Variants in ATP8B3 observed in about 807,000 individuals in gnomAD.
ATP8B3 encodes ATPase phospholipid transporting 8B3, also known as phospholipid-transporting ATPase IK.
A neutral mutation model predicts 140.9 loss-of-function variants in ATP8B3; 141 were observed. That is an observed-to-expected ratio of 1.00 (90% confidence interval 0.87 to 1.15). The LOEUF is 1.15. Ranked by LOEUF, ATP8B3 falls within the 50% of genes most tolerant of loss-of-function variation. The probability of loss-of-function intolerance (pLI) is 0.00; values close to 1 mark genes in which losing one functional copy is unlikely to be tolerated. For synonymous variants in ATP8B3, 765 were observed against 714.6 expected (o/e 1.07, Z -1.13); for missense variants, 1,874 against 1,740.6 (o/e 1.08, Z -1.36).
chr19:1,805,568 C>T lies in ATP8B3; in HGVS notation c.822-112G>A, dbSNP rs914565293. 9 of 961,336 alleles carry T rather than the reference C, an allele frequency of 9.4e-6. No homozygotes were observed. Among genetic ancestry groups the T allele is most frequent in the Non-Finnish European group, 1.5e-5 (9 of 618,052 alleles). The allele number at this position is 961,336 out of a possible 1,614,324, so 59.6% of individuals were successfully genotyped here. A position where few individuals can be genotyped will look rare whatever the true frequency, so the allele number is the denominator to read the frequency against. ...TTTTCACTGAGCACCTACTAGTTCG[C>T]CAGCTGCCAGTCAGATGGCTGAGGC... is the stretch of plus-strand genomic sequence containing the variant. On this transcript the variant is annotated intron_variant, in intron 9 of 28. Coordinates refer to ENST00000310127, the MANE Select transcript of ATP8B3 (RefSeq NM_138813.4). This position sits in a 1 kb window ranked among gnomAD's most constrained non-coding sequence, Gnocchi z 5.2.
Position 1,800,303 on chromosome 19 carries a change from G to A in ATP8B3, c.1299C>T (p.Phe433=), listed in dbSNP as rs770699200. 8.1e-6 allele frequency: 13 copies of A among 1,612,790 alleles called. No homozygotes were observed. In the Admixed American group the frequency reaches 1.5e-4, roughly 19 times the overall value. The stretch of plus-strand genomic sequence containing the variant: ...GGATGGTGACGCTGAGCAGGATGAG[G>A]AAGCTCCAGAAGACGAAGAAGGACT... ...AAESFFVFWS[F]LILLSVTIPM... The change falls in exon 13 of 29, where the codon TTC becomes TTT. Residue 433 remains phenylalanine, a synonymous_variant. Transcript: ENST00000310127. This position sits in a 1 kb window ranked among gnomAD's most constrained non-coding sequence, Gnocchi z 4.4.
chr19:1,788,660 A>G (rs949320070), intron 24 of ATP8B3, among the ~76,000 whole-genome samples: 2 of 152,180 alleles, frequency 1.3e-5, no homozygotes, highest in African/African-American at 4.8e-5. Flanking sequence ...AAAACAAAAC[A>G]AAACGAAACA....
rs974232849 is a variant in ATP8B3, at chr19:1,807,131, C to T, written c.615+37G>A. 1 of 1,580,054 alleles carries T rather than the reference C, an allele frequency of 6.3e-7. No individual in the cohort carries two copies. The highest frequency in any genetic ancestry group is 1.7e-5 in the Admixed American group (1 of 59,944). ...CAAGAGACCCCCCCGACCGGCCCCG[C>T]TCCCTCCCCCAGGCAGCTGCATCCA... On this transcript the variant is annotated intron_variant, in intron 6 of 28. Coordinates refer to ENST00000310127, the MANE Select transcript of ATP8B3 (RefSeq NM_138813.4). The surrounding 1 kb of genome is among the most constrained non-coding windows in gnomAD (Gnocchi z 5.9).
intron 2 of ATP8B3, 102 bp from the exon 3 acceptor site, chr19:1,810,785 A>C: frequency 4.7e-6 from 5 of 1,052,754 alleles, no homozygotes; most frequent in South Asian, 1.6e-5. Context: ...ACCCTCTCAA[A>C]TGCTACCTCC....
Position 1,810,607 on chromosome 19 carries a change from G to T in ATP8B3, c.310+15C>A. ...CCCTCCCACCTGCACCGCCCCCTCT[G>T]CCCAGGATCAGCACCTGAGTTCCTG... On this transcript the variant is annotated intron_variant, in intron 3 of 28. Transcript: ENST00000310127. 1 of 1,611,120 alleles carries T rather than the reference G, an allele frequency of 6.2e-7. No individual in the cohort carries two copies. The highest frequency in any genetic ancestry group is 8.5e-7 in the Non-Finnish European group (1 of 1,178,630).
intron 27 of ATP8B3, 45 bp from the exon 28 acceptor site, chr19:1,784,991 A>G (rs2068257610): frequency 6.3e-7 from 1 of 1,575,250 alleles, no homozygotes. Context: ...CCCAGCTCCA[A>G]GGATGCCCCC....
In ATP8B3 at chr19:1,800,224, C is replaced by A; in HGVS notation, c.1343+35G>T. ...GCCATCCCCATGCCTCCCCGTTCCG[C>A]GTTTGCACCGGGGACGCAGCCGGCG... On this transcript the variant is annotated intron_variant, in intron 13 of 28. Coordinates refer to ENST00000310127, the MANE Select transcript of ATP8B3 (RefSeq NM_138813.4). The surrounding 1 kb of genome is among the most constrained non-coding windows in gnomAD (Gnocchi z 4.4). 2 of 1,604,378 alleles carry A rather than the reference C, an allele frequency of 1.2e-6. No individual in the cohort carries two copies. Among genetic ancestry groups the A allele is most frequent in the South Asian group, 2.2e-5 (2 of 90,484 alleles).
intron 23 of ATP8B3, 50 bp from the exon 24 acceptor site, chr19:1,789,170 C>A: frequency 8.4e-7 from 1 of 1,187,664 alleles, no homozygotes; most frequent in Non-Finnish European, 1.1e-6. Context: ...CCAGTCCCGC[C>A]CGCCCCCCCA....
At chr19:1,793,990 C>A (rs556593722) in intron 18 of ATP8B3, among the ~76,000 whole-genome samples, 3 of 151,888 alleles carry the variant, frequency 2.0e-5, no homozygotes, top group Non-Finnish European at 4.4e-5. Context: ...GATCTGCCCG[C>A]CTCCCAAAGC....
chr19:1,783,306 C>T lies in ATP8B3; in HGVS notation c.3661-36G>A, dbSNP rs2068213511. ...AAGGGGAGAGCAGGGGAAGCAGACT[C>T]CTATGCTTGGCTGATGGCTCTCAGG... is the stretch of plus-strand genomic sequence containing the variant. On this transcript the variant is annotated intron_variant, in intron 28 of 28. Coordinates refer to ENST00000310127, the MANE Select transcript of ATP8B3 (RefSeq NM_138813.4). 3 of 1,589,760 alleles carry T rather than the reference C, an allele frequency of 1.9e-6. No individual in the cohort carries two copies. In the Admixed American group the frequency reaches 5.3e-5, roughly 28 times the overall value.
In ATP8B3 at chr19:1,783,194, C is replaced by T. The variant is rs143042487; in HGVS notation, c.3737G>A (p.Arg1246His). 6.9e-4 allele frequency: 1,111 copies of T among 1,612,798 alleles called. 3 individuals are homozygous for T. The African/African-American group carries it at 0.011, about 17-fold the overall frequency. The change falls in exon 29 of 29, where the codon CGT (arginine) becomes CAT (histidine). Residue 1246 changes from arginine (R) to histidine (H), a missense_variant. Around this residue, in one of 3 missense-constraint regions of ATP8B3, gnomAD observed 840 missense variants for 760.9 expected, o/e 1.10. Transcript: ENST00000310127. ...GAAAGCATAGCTGGAACGGCGGGCA[C>T]GAGACTCCCGGTGTACATGAGGCAA... ...EPLPHVHRES[R>H]ARRSSYAFSH...
chr19:1,810,031 T>C (rs1242262894), intron 3 of ATP8B3, among the ~76,000 whole-genome samples: 1 of 152,222 alleles, frequency 6.6e-6, no homozygotes, highest in Non-Finnish European at 1.5e-5. Context: ...CTGTACATTT[T>C]ACAGAGGGGG....
chr19:1,785,365 G>A, intron 26 of ATP8B3, 68 bp from the exon 27 acceptor site: 1 of 1,551,018 alleles, frequency 6.4e-7, no homozygotes, highest in South Asian at 1.2e-5. Flanking sequence ...AGCCCCTGGG[G>A]TCCAGGAAGG....
At chr19:1,788,424 C>T (rs1026563976) in intron 24 of ATP8B3, among the ~76,000 whole-genome samples, 57 of 152,176 alleles carry the variant, frequency 3.7e-4, no homozygotes, top group African/African-American at 1.3e-3. Context: ...CCAAAGTGAG[C>T]AGGTCACCTG....
intron 18 of ATP8B3, among the ~76,000 whole-genome samples, chr19:1,792,385 G>T (rs2068540423): frequency 6.6e-6 from 1 of 151,758 alleles, no homozygotes; most frequent in South Asian, 2.1e-4. Context: ...TTTGAGACCA[G>T]GTTGGCCAAC....
Position 1,791,775 on chromosome 19 carries a change from T to C in ATP8B3, c.2277A>G (p.Ile759Met), listed in dbSNP as rs770927059. 3.9e-5 allele frequency: 63 copies of C among 1,611,464 alleles called. No individual in the cohort carries two copies. Among genetic ancestry groups the C allele is most frequent in the Non-Finnish European group, 5.2e-5 (61 of 1,179,652 alleles). ...CCTGCTTGTCCCCGGTGAGCACCCA[T>C]ATTTTGATGTTGCTCTTCTTGAGAC... ...IKCLKKSNIKIWVLTGDKQET... is the reference protein window; with the variant it reads ...IKCLKKSNIKMWVLTGDKQET... The change falls in exon 20 of 29, where the codon ATA becomes ATG. Residue 759 changes from isoleucine (I) to methionine (M), a missense_variant. Physicochemically the swap from Ile to Met is conservative, Grantham distance 10 (BLOSUM62 1). Around this residue, in one of 3 missense-constraint regions of ATP8B3, gnomAD observed 840 missense variants for 760.9 expected, o/e 1.10. Transcript: ENST00000310127.
chr19:1,790,017 G>T (rs1041008495), intron 21 of ATP8B3, 28 bp from the exon 22 acceptor site: 1 of 1,557,062 alleles, frequency 6.4e-7, no homozygotes, highest in Non-Finnish European at 8.8e-7. Flanking sequence ...CAGCGGGGCA[G>T]GGGAGGGGGC....
In ATP8B3 at chr19:1,797,144, A is replaced by G. The variant is rs2068704712; in HGVS notation, c.1553-139T>C. On this transcript the variant is annotated intron_variant, in intron 14 of 28. Coordinates refer to ENST00000310127, the MANE Select transcript of ATP8B3 (RefSeq NM_138813.4). ...CCAGGCCTGTGGCCCTGGAACCGACACCCCGAGCAATCTTGGGGCGAAAGC... is the reference window on the plus strand; with the variant it reads ...CCAGGCCTGTGGCCCTGGAACCGACGCCCCGAGCAATCTTGGGGCGAAAGC... 3.7e-6 allele frequency: 5 copies of G among 1,341,718 alleles called. No individual in the cohort carries two copies. In the Admixed American group the frequency reaches 1.1e-4, roughly 29 times the overall value. The allele number at this position is 1,341,718 out of a possible 1,614,324, so 83.1% of individuals were successfully genotyped here.
chr19:1,793,962 G>A (rs955942555), intron 18 of ATP8B3, among the ~76,000 whole-genome samples: 2 of 151,958 alleles, frequency 1.3e-5, no homozygotes, highest in South Asian at 2.1e-4. Flanking sequence ...GGCTGGCCTC[G>A]AACTCCTGAC....
Sources: allele counts gnomAD v4.1 joint callset (sites outside exome capture counted in the v4.1 genomes callset), GRCh38; gene constraint gnomAD v4.1.1; regional missense constraint gnomAD v4.1.1; non-coding constraint Gnocchi (gnomAD v3.1); transcripts MANE v1.5; gene names NCBI Gene and HGNC (gene_info 2026-07-23, HGNC 2026-07-21).